The following EPB41L3 variants were observed in gnomAD, a reference collection of about 807,000 sequenced individuals.
EPB41L3 encodes the protein erythrocyte membrane protein band 4.1 like 3.
Under a neutral mutation model 127.1 loss-of-function variants are expected in EPB41L3, and 57 were observed. That is an observed-to-expected ratio of 0.45 (90% CI 0.36 to 0.56). EPB41L3 has a LOEUF of 0.56. Ranked by LOEUF, EPB41L3 falls within the 20% of genes least tolerant of loss-of-function variation. EPB41L3 has a pLI of 0.00. For synonymous variants in EPB41L3, 572 were observed against 549.5 expected, an observed-to-expected ratio of 1.04 and a Z score of -0.57; for missense variants, 1,273 against 1,372.2, an observed-to-expected ratio of 0.93 and a Z score of 1.14.
intron 2 of EPB41L3, among the ~76,000 whole-genome samples, chr18:5,481,607 G>A (rs764160903): frequency 2.6e-5 from 4 of 152,140 alleles, no homozygotes; most frequent in East Asian, 1.9e-4. Context: ...GAGGACAGGC[G>A]GAGAAAAAGC....
intron 1 of EPB41L3, among the ~76,000 whole-genome samples, chr18:5,513,403 C>T (rs889759696): frequency 1.3e-5 from 2 of 152,050 alleles, no homozygotes; most frequent in Non-Finnish European, 2.9e-5. Flanking sequence ...GGTAGGATAG[C>T]AAGGTTAAAG....
intron 1 of EPB41L3, among the ~76,000 whole-genome samples, chr18:5,618,172 A>G (rs925374397): frequency 6.6e-6 from 1 of 152,190 alleles, no homozygotes; most frequent in Non-Finnish European, 1.5e-5. Flanking sequence ...TAAAATGGGG[A>G]AGGCCTATAT....
chr18:5,452,978 C>A (rs1257736567), intron 3 of EPB41L3, among the ~76,000 whole-genome samples: 1 of 152,100 alleles, frequency 6.6e-6, no homozygotes, highest in East Asian at 1.9e-4. Flanking sequence ...GGGTGACTGA[C>A]GGGTACAAAC....
At chr18:5,471,318 C>T (rs1179260234) in intron 3 of EPB41L3, among the ~76,000 whole-genome samples, 1 of 152,184 alleles carries the variant, frequency 6.6e-6, no homozygotes, top group Non-Finnish European at 1.5e-5. Flanking sequence ...AAGTCACCAT[C>T]TCACAGGGCT....
rs540298052 is a variant in EPB41L3, at chr18:5,504,062, T to C, written c.-11-14868A>G. Among the ~76,000 whole-genome samples, 26 of 152,310 alleles carry C rather than the reference T, an allele frequency of 1.7e-4. 2 individuals are homozygous for C. In the East Asian group the frequency reaches 4.8e-3, roughly 28 times the overall value. ...TGCCTCCCTTTAATTGGAATAGGCT[T>C]GCCATTGAGGAGAATAGGAGAGAAA... On this transcript the variant is annotated intron_variant, in intron 1 of 22. Coordinates refer to ENST00000341928, the MANE Select transcript of EPB41L3 (RefSeq NM_012307.5).
At chr18:5,524,577 T>C (rs1213494598) in intron 1 of EPB41L3, among the ~76,000 whole-genome samples, 2 of 151,964 alleles carry the variant, frequency 1.3e-5, no homozygotes, top group African/African-American at 2.4e-5. Flanking sequence ...GCCATTTCCA[T>C]TGGTCATCTG....
At chr18:5,472,088 T>G (rs1479474520) in intron 3 of EPB41L3, among the ~76,000 whole-genome samples, 2 of 152,110 alleles carry the variant, frequency 1.3e-5, no homozygotes, top group Non-Finnish European at 2.9e-5. Flanking sequence ...GAATATTTAT[T>G]AGGCCTTGTC....
chr18:5,396,025 C>T lies in EPB41L3; in HGVS notation c.2973+176G>A, dbSNP rs540917236. On this transcript the variant is annotated intron_variant, in intron 19 of 22. Transcript: ENST00000341928. The stretch of plus-strand genomic sequence containing the variant: ...CATAAAGACTTGGTTAAGTCATCTG[C>T]TGCTCCCTGATCACTAATAAAATGA... 3.9e-5 allele frequency among the ~76,000 whole-genome samples: 6 copies of T among 152,002 alleles called. No homozygotes were observed. In the South Asian group the frequency reaches 1.2e-3, roughly 32 times the overall value.
chr18:5,581,386 T>TCC (rs1230847515), intron 3 of EPB41L3, among the ~76,000 whole-genome samples: 1 of 152,134 alleles, frequency 6.6e-6, no homozygotes, highest in African/African-American at 2.4e-5. Context: ...ACAAAAACAG[T>TCC]CTGTTAAACT....
At chr18:5,495,298 C>A (rs774034613) in intron 1 of EPB41L3, among the ~76,000 whole-genome samples, 1 of 150,914 alleles carries the variant, frequency 6.6e-6, no homozygotes, top group Non-Finnish European at 1.5e-5. Context: ...ATTAATCTCA[C>A]AATGGCCACT....
chr18:5,620,259 C>A (rs1257956961), intron 1 of EPB41L3, among the ~76,000 whole-genome samples: 1 of 152,150 alleles, frequency 6.6e-6, no homozygotes, highest in African/African-American at 2.4e-5. Context: ...GATGAACCCA[C>A]AATCTGGAAA....
In EPB41L3 at chr18:5,397,780, T is replaced by C. The variant is rs774867505; in HGVS notation, c.2472+241A>G. On this transcript the variant is annotated intron_variant, in intron 17 of 22. Coordinates refer to ENST00000341928, the MANE Select transcript of EPB41L3 (RefSeq NM_012307.5). This position sits in a 1 kb window ranked among gnomAD's most constrained non-coding sequence, Gnocchi z 4.1. ...TGGTGAGACATAATGCTTTTAGATA[T>C]TTAATTCTATTAAAATTTCTCAATA... Among the ~76,000 whole-genome samples, 4 of 152,218 alleles carry C rather than the reference T, an allele frequency of 2.6e-5. No individual in the cohort carries two copies. Among genetic ancestry groups the C allele is most frequent in the Non-Finnish European group, 2.9e-5 (2 of 68,046 alleles).
At chr18:5,488,123 G>C (rs2090076742) in intron 2 of EPB41L3, among the ~76,000 whole-genome samples, 1 of 152,094 alleles carries the variant, frequency 6.6e-6, no homozygotes, top group Non-Finnish European at 1.5e-5. Context: ...TAAAAGTAAT[G>C]CATTATTCCT....
At chr18:5,488,735 T>C in intron 2 of EPB41L3, 1 of 404,820 alleles carries the variant, frequency 2.5e-6, no homozygotes, top group Non-Finnish European at 4.3e-6. Context: ...CTATCTTTCC[T>C]CTAAATCCAG....
In EPB41L3 at chr18:5,397,923, A is replaced by C; in HGVS notation, c.2472+98T>G. 6.8e-7 allele frequency: 1 copy of C among 1,476,254 alleles called. No individual in the cohort carries two copies. The highest frequency in any genetic ancestry group is 9.3e-7 in the Non-Finnish European group (1 of 1,073,418). The allele number at this position is 1,476,254 out of a possible 1,614,324, so 91.4% of individuals were successfully genotyped here. ...GACACCTTTGAGATGTTGAAGGCAA[A>C]GCCAGCTGGATGCAACCACACACTC... On this transcript the variant is annotated intron_variant, in intron 17 of 22. Transcript: ENST00000341928. The surrounding 1 kb of genome is among the most constrained non-coding windows in gnomAD (Gnocchi z 4.1).
chr18:5,555,084 G>A (rs367583474), intron 3 of EPB41L3, among the ~76,000 whole-genome samples: 79 of 152,306 alleles, frequency 5.2e-4, no homozygotes, highest in African/African-American at 1.8e-3. Flanking sequence ...GTTAGATTCT[G>A]TCATTTCAGG....
At position 5,394,749 on chromosome 18, in the gene EPB41L3, G is replaced by A; in HGVS notation, c.3198C>T (p.Asp1066=). ...AIKEAKEQHP[D]MSVTKVVVHK... ...GGACCACTACTTTGGTCACTGACAT[G>A]TCAGGGTGCTGCTCTTTGGCCTCTT... Residue 1066 remains aspartate, a synonymous_variant, in exon 22 of 23, where the codon GAC becomes GAT. Transcript: ENST00000341928. The A allele has an allele frequency of 6.2e-7, 1 of 1,614,204 alleles. No homozygotes were observed. Among genetic ancestry groups the A allele is most frequent in the Non-Finnish European group, 8.5e-7 (1 of 1,180,038 alleles).
At chr18:5,403,004 A>G (rs190460303) in intron 16 of EPB41L3, among the ~76,000 whole-genome samples, 41 of 152,340 alleles carry the variant, frequency 2.7e-4, no homozygotes, top group Middle Eastern at 6.8e-3. Context: ...AGAGAGGACA[A>G]TATCGGCGCA....
chr18:5,398,296 G>A (rs2073928310), intron 16 of EPB41L3, 153 bp from the exon 17 acceptor site: 2 of 878,084 alleles, frequency 2.3e-6, no homozygotes, highest in Admixed American at 2.4e-5. Flanking sequence ...GAAAAGAATG[G>A]GAAATAAAAT....
Sources: allele counts gnomAD v4.1 joint callset (sites outside exome capture counted in the v4.1 genomes callset), GRCh38; gene constraint gnomAD v4.1.1; non-coding constraint Gnocchi (gnomAD v3.1); transcripts MANE v1.5; gene names NCBI Gene and HGNC (gene_info 2026-07-23, HGNC 2026-07-21).